CNTN5: variants seen among roughly 807,000 people sequenced by gnomAD.
CNTN5 encodes contactin 5.
A neutral mutation model predicts 129.1 loss-of-function variants in CNTN5; 77 were observed. The observed-to-expected ratio is 0.60, with a 90% confidence interval of 0.50 to 0.72. The LOEUF is 0.72. Ranked by LOEUF, CNTN5 falls within the 30% of genes least tolerant of loss-of-function variation. CNTN5 has a pLI of 0.00. For synonymous variants in CNTN5, 509 were observed against 465.6 expected (o/e 1.09, Z -1.20); for missense variants, 1,478 against 1,328.8 (o/e 1.11, Z -1.75).
At chr11:99,662,594 TAAGA>T (rs1353083384) in intron 3 of CNTN5, among the ~76,000 whole-genome samples, 1 of 152,212 alleles carries the variant, frequency 6.6e-6, no homozygotes, top group Non-Finnish European at 1.5e-5. Flanking sequence ...AGGAATAGAT[TAAGA>T]ATCTGATGTA....
chr11:99,610,908 C>T (rs763626894), intron 3 of CNTN5, among the ~76,000 whole-genome samples: 1 of 152,106 alleles, frequency 6.6e-6, no homozygotes, highest in African/African-American at 2.4e-5. Flanking sequence ...GCGCTATGTG[C>T]TTAGAAAAAA....
intron 17 of CNTN5, 82 bp from the exon 18 acceptor site, chr11:100,271,010 C>G (rs1950398180): frequency 9.8e-6 from 11 of 1,121,840 alleles, no homozygotes; most frequent in Non-Finnish European, 1.3e-5. Flanking sequence ...CTGATTCTGT[C>G]AGTAGCATTA....
chr11:99,802,617 G>C (rs1339046427), intron 3 of CNTN5, among the ~76,000 whole-genome samples: 1 of 152,148 alleles, frequency 6.6e-6, no homozygotes, highest in Non-Finnish European at 1.5e-5. Flanking sequence ...AAGAGGCCTG[G>C]AGGTCTGCCT....
chr11:100,042,465 G>T (rs1195991776), intron 9 of CNTN5, among the ~76,000 whole-genome samples: 1 of 152,132 alleles, frequency 6.6e-6, no homozygotes, highest in East Asian at 1.9e-4. Flanking sequence ...ACTTATGCAA[G>T]GAAAATAGGA....
intron 1 of CNTN5, among the ~76,000 whole-genome samples, chr11:99,154,154 G>T (rs184734395): frequency 9.0e-4 from 137 of 152,278 alleles, no homozygotes; most frequent in Admixed American, 3.1e-3. Flanking sequence ...CACTGTAGTG[G>T]GGTACAAGCA....
intron 3 of CNTN5, among the ~76,000 whole-genome samples, chr11:99,696,855 C>G (rs1327514221): frequency 1.3e-5 from 2 of 151,876 alleles, no homozygotes; most frequent in African/African-American, 4.8e-5. Context: ...GTGTAAGACC[C>G]AGGCTGGTTC....
chr11:99,840,117 G>T (rs146603773), intron 4 of CNTN5, among the ~76,000 whole-genome samples: 2 of 152,116 alleles, frequency 1.3e-5, no homozygotes, highest in African/African-American at 2.4e-5. Flanking sequence ...AATGATGACA[G>T]TTAGGCCGGA....
At chr11:99,057,988 G>T (rs188007746) in intron 1 of CNTN5, among the ~76,000 whole-genome samples, 15 of 152,126 alleles carry the variant, frequency 9.9e-5, no homozygotes, top group African/African-American at 3.4e-4. Flanking sequence ...AGGAAACAGG[G>T]TTAAAAAACT....
At chr11:99,283,954 A>G (rs1863814157) in intron 1 of CNTN5, among the ~76,000 whole-genome samples, 2 of 152,186 alleles carry the variant, frequency 1.3e-5, no homozygotes, top group Admixed American at 6.6e-5. Context: ...TGCTTTGGAC[A>G]TATGTATTAA....
intron 1 of CNTN5, among the ~76,000 whole-genome samples, chr11:99,235,795 G>A (rs909704330): frequency 6.6e-5 from 10 of 152,134 alleles, no homozygotes; most frequent in Admixed American, 3.9e-4. Flanking sequence ...AACTGACAGT[G>A]GCAATTGTCT....
At chr11:99,775,321 AATGATATAAAACCTC>A in intron 3 of CNTN5, among the ~76,000 whole-genome samples, 2 of 150,318 alleles carry the variant, frequency 1.3e-5, no homozygotes, top group Non-Finnish European at 3.0e-5. Flanking sequence ...AATAATGTAA[AATGATATAAAACCTC>A]TGAGATGCAG....
At chr11:100,105,217 G>A (rs1006745678) in intron 13 of CNTN5, among the ~76,000 whole-genome samples, 1 of 152,150 alleles carries the variant, frequency 6.6e-6, no homozygotes, top group Non-Finnish European at 1.5e-5. Context: ...GATAGCATTG[G>A]AACACAGGGT....
intron 2 of CNTN5, among the ~76,000 whole-genome samples, chr11:99,472,543 T>C (rs1945215458): frequency 6.6e-6 from 1 of 152,236 alleles, no homozygotes; most frequent in Admixed American, 6.5e-5. Context: ...CTTACTGTTG[T>C]GCGTGAATAC....
intron 3 of CNTN5, among the ~76,000 whole-genome samples, chr11:99,773,276 C>A (rs368476006): frequency 4.6e-5 from 7 of 152,052 alleles, no homozygotes; most frequent in Non-Finnish European, 8.8e-5. Context: ...TGTCTAAACA[C>A]CAGTGCAAAT....
At chr11:99,422,521 TATATATATATATATATA>T (rs1942942340) in intron 2 of CNTN5, among the ~76,000 whole-genome samples, 3 of 10,308 alleles carry the variant, frequency 2.9e-4, no homozygotes, top group African/African-American at 4.2e-4. Context: ...TATATTTTTA[TATATATATATATATATA>T]TATATATATA....
intron 13 of CNTN5, among the ~76,000 whole-genome samples, chr11:100,159,936 T>C (rs568105161): frequency 6.6e-6 from 1 of 152,002 alleles, no homozygotes; most frequent in South Asian, 2.1e-4. Context: ...ATATTTCTTT[T>C]CATATATATA....
chr11:99,938,901 G>A (rs1483603857), intron 7 of CNTN5, among the ~76,000 whole-genome samples: 1 of 151,968 alleles, frequency 6.6e-6, no homozygotes, highest in Non-Finnish European at 1.5e-5. Context: ...CTGGAAATTT[G>A]CTTTAGAAAA....
At chr11:99,354,820 TA>T (rs1295987554) in intron 2 of CNTN5, among the ~76,000 whole-genome samples, 2 of 152,154 alleles carry the variant, frequency 1.3e-5, no homozygotes, top group Non-Finnish European at 2.9e-5. Context: ...GTTCCATGTT[TA>T]AAACCCTGCC....
At chr11:99,467,532 GTTAACTCATCCT>G (rs1411452503) in intron 2 of CNTN5, among the ~76,000 whole-genome samples, 3 of 151,948 alleles carry the variant, frequency 2.0e-5, no homozygotes, top group Non-Finnish European at 4.4e-5. Flanking sequence ...CATCTGCTCG[GTTAACTCATCCT>G]TCAATTTTAT....
Sources: allele counts gnomAD v4.1 joint callset (sites outside exome capture counted in the v4.1 genomes callset), GRCh38; gene constraint gnomAD v4.1.1; transcripts MANE v1.5; gene names NCBI Gene and HGNC (gene_info 2026-07-23, HGNC 2026-07-21).